BACH1: variants seen among roughly 807,000 people sequenced by gnomAD.
BACH1 encodes the protein BTB domain and CNC homolog 1.
A neutral mutation model predicts 52.9 loss-of-function variants in BACH1; 35 were observed. The ratio of observed to expected loss-of-function variants is 0.66; its 90% CI spans 0.51 to 0.88. The LOEUF (loss-of-function observed/expected upper bound fraction) is 0.88, where lower values mean the gene tolerates loss of function less well. BACH1 is among the 40% of genes least tolerant of loss of function. The probability of loss-of-function intolerance (pLI) is 0.00; values close to 1 mark genes in which losing one functional copy is unlikely to be tolerated. For synonymous variants in BACH1, 321 were observed against 319.6 expected, an observed-to-expected ratio of 1.00 and a Z score of -0.05; for missense variants, 808 against 872.6, an observed-to-expected ratio of 0.93 and a Z score of 0.93.
chr21:29,339,122 C>G (rs550502366), intron 4 of BACH1, among the ~76,000 whole-genome samples: 1 of 152,106 alleles, frequency 6.6e-6, no homozygotes, highest in Non-Finnish European at 1.5e-5. Context: ...AGCTGTGTCT[C>G]TAGGACACAT....
At chr21:29,311,638 T>G (rs748526772) in intron 1 of BACH1, among the ~76,000 whole-genome samples, 26 of 151,186 alleles carry the variant, frequency 1.7e-4, no homozygotes, top group Non-Finnish European at 4.5e-5. Flanking sequence ...TCGTTTACTC[T>G]ACTATCCCCC....
chr21:29,360,246 C>T (rs1048691559), intron 2 of BACH1, among the ~76,000 whole-genome samples: 4 of 152,154 alleles, frequency 2.6e-5, no homozygotes, highest in Non-Finnish European at 4.4e-5. Flanking sequence ...GACTTCCTGA[C>T]GCTGTCATAG....
At chr21:29,304,605 C>T (rs2088635745) in intron 1 of BACH1, among the ~76,000 whole-genome samples, 1 of 152,180 alleles carries the variant, frequency 6.6e-6, no homozygotes, top group Admixed American at 6.5e-5. Flanking sequence ...TAGCCTACCT[C>T]TAAGGCTGTA....
intron 1 of BACH1, among the ~76,000 whole-genome samples, chr21:29,311,629 C>T (rs1153285): frequency 0.093 from 14,084 of 152,034 alleles, 1,205 homozygotes; most frequent in East Asian, 0.39. Flanking sequence ...GTGATGATTT[C>T]GTTTACTCTA....
At chr21:29,324,088 C>T (rs1471584717) in intron 2 of BACH1, among the ~76,000 whole-genome samples, 2 of 152,002 alleles carry the variant, frequency 1.3e-5, no homozygotes, top group Non-Finnish European at 2.9e-5. Flanking sequence ...CACATCTCTA[C>T]TAAAAATACA....
Position 29,326,321 on chromosome 21 carries a change from A to C in BACH1, c.497A>C (p.Glu166Ala). ...TCACTTTTGGACCAGAGGGATCTAG[A>C]AACTGATGAAGTGGAGGAATTTCTG... ...KLSLLDQRDL[E>A]TDEVEEFLEN... The change falls in exon 3 of 5, where the codon GAA becomes GCA. Residue 166 changes from glutamate (E) to alanine (A), a missense_variant. By Grantham distance (107) the Glu-to-Ala change is moderately radical. Transcript: ENST00000286800. 3 of 1,614,238 alleles carry C rather than the reference A, an allele frequency of 1.9e-6. No individual in the cohort carries two copies. In the South Asian group the frequency reaches 3.3e-5, roughly 18 times the overall value.
intron 1 of BACH1, among the ~76,000 whole-genome samples, chr21:29,313,808 A>G (rs2088755954): frequency 6.6e-6 from 1 of 152,228 alleles, no homozygotes. Flanking sequence ...AATCAGGCAC[A>G]GGGAAGGGTA....
At chr21:29,304,157 ACT>A (rs2088630327) in intron 1 of BACH1, among the ~76,000 whole-genome samples, 1 of 144,964 alleles carries the variant, frequency 6.9e-6, no homozygotes, top group Admixed American at 7.0e-5. Flanking sequence ...ATGGAGTATC[ACT>A]CTGTCGCTCA....
intron 2 of BACH1, among the ~76,000 whole-genome samples, chr21:29,358,775 A>AAAGAAAG (rs201588258): frequency 1.2e-5 from 1 of 83,428 alleles, no homozygotes; most frequent in African/African-American, 5.4e-5. Flanking sequence ...AAAAGAAAAG[A>AAAGAAAG]AAGAAAGAAA....
chr21:29,353,710 T>C (rs938784019), intron 2 of BACH1, among the ~76,000 whole-genome samples: 34 of 152,258 alleles, frequency 2.2e-4, no homozygotes, highest in African/African-American at 8.2e-4. Flanking sequence ...AGGGGGGCTA[T>C]GAGATGCCCA....
chr21:29,303,754 C>CT (rs2123401651), intron 1 of BACH1, among the ~76,000 whole-genome samples: 2 of 152,266 alleles, frequency 1.3e-5, no homozygotes, highest in East Asian at 3.9e-4. Flanking sequence ...ATGTCTAATA[C>CT]TTTGAATATC....
chr21:29,323,154 G>A (rs1235436868), intron 2 of BACH1, among the ~76,000 whole-genome samples: 1 of 152,106 alleles, frequency 6.6e-6, no homozygotes, highest in Non-Finnish European at 1.5e-5. Flanking sequence ...AATTTTAATT[G>A]AAATTTTTAT....
intron 4 of BACH1, among the ~76,000 whole-genome samples, chr21:29,332,657 G>A (rs1025820014): frequency 6.6e-5 from 10 of 152,224 alleles, no homozygotes; most frequent in African/African-American, 2.2e-4. Flanking sequence ...CTATCCGAGA[G>A]TGGCTTTGTG....
At chr21:29,340,416 A>C (rs2089097438) in intron 4 of BACH1, among the ~76,000 whole-genome samples, 1 of 152,174 alleles carries the variant, frequency 6.6e-6, no homozygotes, top group Non-Finnish European at 1.5e-5. Flanking sequence ...TTAAAGAATG[A>C]TGTCATCCCT....
intron 4 of BACH1, among the ~76,000 whole-genome samples, chr21:29,335,056 G>A (rs930855535): frequency 6.6e-6 from 1 of 152,146 alleles, no homozygotes; most frequent in African/African-American, 2.4e-5. Context: ...TTAAGGCCCT[G>A]GACCTTGCAT....
intron 1 of BACH1, among the ~76,000 whole-genome samples, chr21:29,299,193 C>G (rs1601331365): frequency 6.6e-6 from 1 of 151,692 alleles, no homozygotes; most frequent in Non-Finnish European, 1.5e-5. Context: ...CGGCCGAACC[C>G]CCTGCACTGC....
At chr21:29,361,567 CACCACT>C (rs990816046) in intron 2 of BACH1, 1 of 152,284 alleles carries the variant, frequency 6.6e-6, no homozygotes, top group African/African-American at 2.4e-5. Context: ...GATGGCAGCA[CACCACT>C]ACCTACGATC....
In BACH1 at chr21:29,326,392, C is replaced by A. The variant is rs749402266; in HGVS notation, c.568C>A (p.Gln190Lys). ...TCCTCAGTGTAAACTCCGCAGGTATCAAGGAAATGCAAAAGCCTCACCTCC... is the reference window on the plus strand; with the variant it reads ...TCCTCAGTGTAAACTCCGCAGGTATAAAGGAAATGCAAAAGCCTCACCTCC... ...QTPQCKLRRY[Q>K]GNAKASPPLQ... The change falls in exon 3 of 5, where the codon CAA becomes AAA. Residue 190 changes from glutamine to lysine, a missense_variant. Physicochemically the swap from Gln to Lys is moderately conservative, Grantham distance 53. Transcript: ENST00000286800. 6.2e-7 allele frequency: 1 copy of A among 1,614,144 alleles called. No homozygotes were observed. The highest frequency in any genetic ancestry group is 8.5e-7 in the Non-Finnish European group (1 of 1,180,024).
intron 4 of BACH1, among the ~76,000 whole-genome samples, chr21:29,342,079 G>A (rs2089120206): frequency 1.3e-5 from 2 of 152,202 alleles, no homozygotes; most frequent in South Asian, 2.1e-4. Flanking sequence ...TTCATTATTT[G>A]CTATTTTAAT....
Sources: gnomAD v4.1 joint callset for allele counts (sites outside exome capture counted in the v4.1 genomes callset) on GRCh38, gnomAD v4.1.1 for gene constraint, MANE v1.5 for transcripts, NCBI Gene and HGNC (gene_info 2026-07-23, HGNC 2026-07-21) for gene names.